Variants in TEX11 observed in about 807,000 individuals in gnomAD.
TEX11 encodes the protein testis-expressed protein 11.
A neutral mutation model predicts 84.4 loss-of-function variants in TEX11; 7 were observed. That is an observed-to-expected ratio of 0.08 (90% CI 0.05 to 0.16). The LOEUF (loss-of-function observed/expected upper bound fraction) is 0.16, where lower values mean the gene tolerates loss of function less well. TEX11 is among the 10% of genes least tolerant of loss of function. The probability of loss-of-function intolerance (pLI) is 1.00; values close to 1 mark genes in which losing one functional copy is unlikely to be tolerated. For synonymous variants in TEX11, 264 were observed against 222.8 expected (o/e 1.18, Z -1.64); for missense variants, 551 against 660.5 (o/e 0.83, Z 1.82).
intron 16 of TEX11, among the ~76,000 whole-genome samples, chrX:70,665,951 T>G (rs1043954657): frequency 1.6e-4 from 18 of 111,967 alleles, no homozygotes; most frequent in African/African-American, 5.8e-4. Flanking sequence ...AGAAATAGCA[T>G]GAGGAAATGG....
At chrX:70,895,784 T>G (rs1012290819) in intron 2 of TEX11, among the ~76,000 whole-genome samples, 2 of 112,079 alleles carry the variant, frequency 1.8e-5, no homozygotes, top group Non-Finnish European at 3.8e-5. Flanking sequence ...GGATTCCCTA[T>G]TTAATAAATG....
chrX:70,771,919 A>T (rs1231930895), intron 9 of TEX11, among the ~76,000 whole-genome samples: 3 of 111,503 alleles, frequency 2.7e-5, no homozygotes, highest in Non-Finnish European at 5.6e-5. Flanking sequence ...ACCCACCCCC[A>T]TAGCCCCAGG....
At chrX:70,623,122 C>T (rs1468651259) in intron 20 of TEX11, among the ~76,000 whole-genome samples, 1 of 111,403 alleles carries the variant, frequency 9.0e-6, no homozygotes, top group Non-Finnish European at 1.9e-5. Flanking sequence ...GTCATCTGTC[C>T]TATGTTACCT....
intron 16 of TEX11, among the ~76,000 whole-genome samples, chrX:70,668,390 A>G (rs913183644): frequency 8.9e-6 from 1 of 112,275 alleles, no homozygotes; most frequent in African/African-American, 3.2e-5. Flanking sequence ...AATATGATGG[A>G]TTGTGTATTT....
chrX:70,734,259 A>G (rs940208806), intron 11 of TEX11, among the ~76,000 whole-genome samples: 3 of 109,951 alleles, frequency 2.7e-5, no homozygotes, highest in Non-Finnish European at 5.7e-5. Context: ...CATATGTAAC[A>G]TACCTGCACG....
intron 11 of TEX11, among the ~76,000 whole-genome samples, chrX:70,732,209 C>G (rs1327074074): frequency 7.2e-5 from 8 of 111,711 alleles, no homozygotes; most frequent in African/African-American, 2.6e-4. Context: ...ACTGAATGGG[C>G]AAAAACTGGA....
chrX:70,651,822 G>A (rs956949221), intron 16 of TEX11, among the ~76,000 whole-genome samples: 2 of 111,662 alleles, frequency 1.8e-5, no homozygotes, highest in Non-Finnish European at 3.8e-5. Flanking sequence ...TTTTTTTCCA[G>A]AAAGAACAAA....
At chrX:70,795,008 G>T (rs1358117287) in intron 9 of TEX11, among the ~76,000 whole-genome samples, 15 of 108,494 alleles carry the variant, frequency 1.4e-4, no homozygotes, top group Non-Finnish European at 3.8e-5. Context: ...CCACAGTGGG[G>T]TAGAGCACCA....
In TEX11 at chrX:70,629,652, G is replaced by A; in HGVS notation, c.1567C>T (p.Pro523Ser). ...DNDLVAERGS[P>S]TMLLSLAAQF... ...GCAGCTAAACTTAGAAGCATGGTAG[G>A]TGAACCTCTCTCTGCAACTAGATCA... The change falls in exon 18 of 30, where the codon CCT becomes TCT. Residue 523 changes from proline to serine, a missense_variant. Coordinates refer to ENST00000374333, the MANE Select transcript of TEX11 (RefSeq NM_031276.3). 1 of 1,206,899 alleles carries A rather than the reference G, an allele frequency of 8.3e-7. No individual in the cohort carries two copies. The highest frequency in any genetic ancestry group is 1.1e-6 in the Non-Finnish European group (1 of 891,951).
chrX:70,598,431 A>T (rs2089039697), intron 24 of TEX11, among the ~76,000 whole-genome samples: 1 of 111,861 alleles, frequency 8.9e-6, no homozygotes, highest in Non-Finnish European at 1.9e-5. Flanking sequence ...AAAATGGTGC[A>T]GGTGCTTTGA....
rs185165751 is a variant in TEX11 at position 70,619,102 on chromosome X, T to G, written c.1751+4848A>C. Reference sequence around the variant, plus strand: ...AGGACACTGGCATGATGACAATATTTTTTTCTTTCTTTCTTTCCTCCTCAT... The same window carrying G: ...AGGACACTGGCATGATGACAATATTGTTTTCTTTCTTTCTTTCCTCCTCAT... On this transcript the variant is annotated intron_variant, in intron 20 of 29. Transcript: ENST00000374333. 8.8e-4 allele frequency among the ~76,000 whole-genome samples: 98 copies of G among 111,481 alleles called. 2 individuals are homozygous for G. The highest frequency in any genetic ancestry group is 2.5e-3 in the African/African-American group (78 of 30,662).
At chrX:70,714,275 T>C (rs2090472723) in intron 13 of TEX11, among the ~76,000 whole-genome samples, 1 of 111,592 alleles carries the variant, frequency 9.0e-6, no homozygotes, top group African/African-American at 3.3e-5. Flanking sequence ...TCTGTTGATT[T>C]GGGATGGAGA....
At chrX:70,783,855 A>C (rs1251646535) in intron 9 of TEX11, among the ~76,000 whole-genome samples, 1 of 111,696 alleles carries the variant, frequency 9.0e-6, no homozygotes, top group African/African-American at 3.3e-5. Context: ...ACCAAAAAAA[A>C]GTCCAGGACC....
chrX:70,756,628 G>A (rs932597835), intron 9 of TEX11, among the ~76,000 whole-genome samples: 3 of 112,009 alleles, frequency 2.7e-5, no homozygotes, highest in African/African-American at 9.7e-5. Context: ...CAACATCAAA[G>A]ACCAAAGGTA....
intron 11 of TEX11, among the ~76,000 whole-genome samples, chrX:70,733,625 G>C (rs966024105): frequency 8.9e-6 from 1 of 111,770 alleles, no homozygotes; most frequent in Non-Finnish European, 1.9e-5. Flanking sequence ...ACACCAGTTA[G>C]AATGGCATCA....
rs1204214035 is a variant in TEX11, at chrX:70,668,184, C to T, written c.1380+2193G>A. Among the ~76,000 whole-genome samples the T allele has an allele frequency of 3.6e-5, 4 of 111,862 alleles. No individual in the cohort carries two copies. The East Asian group carries it at 1.1e-3, about 31-fold the overall frequency. ...GAAAAAAAATGTTTTGGAATTATCA[C>T]TGTGGGGAATGTGATAAAAACTCAA... On this transcript the variant is annotated intron_variant, in intron 16 of 29. Transcript: ENST00000374333.
downstream of TEX11, chrX:70,528,891 G>A (rs1023295313): frequency 4.7e-6 from 2 of 429,040 alleles, no homozygotes; most frequent in Non-Finnish European, 8.1e-6. Context: ...ATCATCCTTA[G>A]CACTTTGGAA....
intron 16 of TEX11, among the ~76,000 whole-genome samples, chrX:70,666,724 C>T (rs1389517780): frequency 1.8e-5 from 2 of 111,813 alleles, no homozygotes; most frequent in Non-Finnish European, 3.8e-5. Context: ...CTTCCCTGAT[C>T]ACATCTCCTA....
rs774117595 is a variant in TEX11, at chrX:70,718,702, C to T, written c.1004+3916G>A. 5.4e-5 allele frequency among the ~76,000 whole-genome samples: 6 copies of T among 111,736 alleles called. No individual in the cohort carries two copies. In the South Asian group the frequency reaches 2.3e-3, roughly 42 times the overall value. On this transcript the variant is annotated intron_variant, in intron 13 of 29. Coordinates refer to ENST00000374333, the MANE Select transcript of TEX11 (RefSeq NM_031276.3). The stretch of plus-strand genomic sequence containing the variant: ...CCCTTCAGAACTGAAGTATTTATTC[C>T]CCAGTTGCTCTTTAGGAATTCGCTA...
Sources: allele counts gnomAD v4.1 joint callset (sites outside exome capture counted in the v4.1 genomes callset), GRCh38; gene constraint gnomAD v4.1.1; transcripts MANE v1.5; gene names NCBI Gene and HGNC (gene_info 2026-07-23, HGNC 2026-07-21).